SEC14L5: variants seen among roughly 807,000 people sequenced by gnomAD.
SEC14L5 encodes the protein SEC14 like lipid binding 5.
A neutral mutation model predicts 84.6 loss-of-function variants in SEC14L5; 96 were observed. The ratio of observed to expected loss-of-function variants is 1.13; its 90% CI spans 0.96 to 1.34. The LOEUF (loss-of-function observed/expected upper bound fraction) is 1.34. SEC14L5 is among the 40% of genes most tolerant of loss of function. The probability of loss-of-function intolerance (pLI) is 0.00; values close to 1 mark genes in which losing one functional copy is unlikely to be tolerated. For missense variants in SEC14L5, 1,224 were observed against 942.5 expected (o/e 1.30, Z -3.91); for synonymous variants, 546 against 383.4 (o/e 1.42, Z -4.95).
At chr16:4,999,119 C>T (rs773522474) in intron 8 of SEC14L5, among the ~76,000 whole-genome samples, 1 of 152,132 alleles carries the variant, frequency 6.6e-6, no homozygotes, top group Non-Finnish European at 1.5e-5. Flanking sequence ...TCTTTGGTGA[C>T]TTTGCTGTTT....
chr16:5,012,692 G>A (rs1424854783), intron 15 of SEC14L5, among the ~76,000 whole-genome samples: 3 of 152,182 alleles, frequency 2.0e-5, no homozygotes, highest in Non-Finnish European at 4.4e-5. Flanking sequence ...ATCATCTGTG[G>A]TCAAGAGTTT....
chr16:5,008,299 A>C, intron 13 of SEC14L5, 122 bp from the exon 14 acceptor site: 1 of 693,848 alleles, frequency 1.4e-6, no homozygotes. Flanking sequence ...CCTGTAAGGA[A>C]TGAGCGTGTG....
chr16:4,978,963 T>C lies in SEC14L5; in HGVS notation c.64-8594T>C, dbSNP rs1372577327. On this transcript the variant is annotated intron_variant, in intron 2 of 15. Coordinates refer to ENST00000251170, the MANE Select transcript of SEC14L5 (RefSeq NM_014692.2). ...TTTGCCCAGGCTGGTCTCGAAGTCC[T>C]GGGCTCAAACAATCCTCCTGCCAGG... Among the ~76,000 whole-genome samples, 3 of 152,284 alleles carry C rather than the reference T, an allele frequency of 2.0e-5. No individual in the cohort carries two copies. The East Asian group carries it at 5.8e-4, about 29-fold the overall frequency.
intron 2 of SEC14L5, among the ~76,000 whole-genome samples, chr16:4,969,506 C>T (rs1955248476): frequency 6.6e-6 from 1 of 152,010 alleles, no homozygotes; most frequent in Non-Finnish European, 1.5e-5. Flanking sequence ...GCCTTAGCTT[C>T]CCAAGTAGAC....
chr16:5,011,453 C>A (rs1314993977), intron 15 of SEC14L5, among the ~76,000 whole-genome samples, 180 bp downstream of exon 15: 4 of 152,238 alleles, frequency 2.6e-5, no homozygotes, highest in African/African-American at 9.6e-5. Flanking sequence ...GAGAGCCCAG[C>A]TCTGCGCGTC....
At chr16:5,013,806 C>T (rs1003037351) in intron 15 of SEC14L5, among the ~76,000 whole-genome samples, 3 of 152,140 alleles carry the variant, frequency 2.0e-5, no homozygotes, top group African/African-American at 4.8e-5. Context: ...AATCCACCCA[C>T]TTCGGCCTCC....
Position 5,000,688 on chromosome 16 carries a change from A to G in SEC14L5, c.1004A>G (p.Gln335Arg), listed in dbSNP as rs1305500508. ...CCCCTCTACATCCTCCGCCTGGGCC[A>G]GATGGACACCAAAGGCTTGATGAAG... ...GRPLYILRLGQMDTKGLMKAV... is the reference protein window; with the variant it reads ...GRPLYILRLGRMDTKGLMKAV... The change falls in exon 9 of 16, where the codon CAG (glutamine) becomes CGG (arginine). Residue 335 changes from glutamine to arginine, a missense_variant. Transcript: ENST00000251170. 6.4e-7 allele frequency: 1 copy of G among 1,552,170 alleles called. No individual in the cohort carries two copies. The highest frequency in any genetic ancestry group is 1.2e-5 in the South Asian group (1 of 84,092).
At chr16:5,013,310 G>C (rs757359425) in intron 15 of SEC14L5, among the ~76,000 whole-genome samples, 10 of 152,162 alleles carry the variant, frequency 6.6e-5, no homozygotes, top group Non-Finnish European at 1.5e-4. Context: ...GAGAGAGGGT[G>C]GGGGAAGTAA....
At chr16:5,011,839 G>A (rs570990197) in intron 15 of SEC14L5, among the ~76,000 whole-genome samples, 2 of 152,302 alleles carry the variant, frequency 1.3e-5, no homozygotes, top group East Asian at 1.9e-4. Flanking sequence ...GGGGGAAGCT[G>A]CCTGTCACCT....
Position 5,007,466 on chromosome 16 carries a change from C to G in SEC14L5, c.1552C>G (p.Leu518Val). The G allele has an allele frequency of 6.2e-7, 1 of 1,613,596 alleles. No homozygotes were observed. Among genetic ancestry groups the G allele is most frequent in the Non-Finnish European group, 8.5e-7 (1 of 1,179,824 alleles). The part of the protein sequence containing the change: ...WSETYHSASV[L>V]RGAPHEVAVE... ...TGAGACCTACCATTCAGCCAGCGTG[C>G]TCCGCGGAGCCCCCCACGAGGTGCC... The change falls in exon 13 of 16, where the codon CTC becomes GTC. Residue 518 changes from leucine (L) to valine (V), a missense_variant. Physicochemically the swap from Leu to Val is conservative, Grantham distance 32. Coordinates refer to ENST00000251170, the MANE Select transcript of SEC14L5 (RefSeq NM_014692.2).
chr16:4,961,439 G>A (rs369034569), intron 2 of SEC14L5, among the ~76,000 whole-genome samples: 3 of 152,056 alleles, frequency 2.0e-5, no homozygotes, highest in Non-Finnish European at 4.4e-5. Flanking sequence ...AGCCATTCTC[G>A]TGCCTCAGCC....
At chr16:5,001,734 G>T (rs1324998049) in intron 10 of SEC14L5, among the ~76,000 whole-genome samples, 8 of 151,950 alleles carry the variant, frequency 5.3e-5, no homozygotes, top group Non-Finnish European at 1.0e-4. Flanking sequence ...CCCAAAGGCA[G>T]CAAACCTTTC....
At chr16:4,995,232 G>T (rs1372767956) in intron 6 of SEC14L5, among the ~76,000 whole-genome samples, 1 of 152,172 alleles carries the variant, frequency 6.6e-6, no homozygotes, top group African/African-American at 2.4e-5. Context: ...TGACGTCTCC[G>T]CCCACTGCTG....
intron 2 of SEC14L5, among the ~76,000 whole-genome samples, chr16:4,974,047 A>T (rs1955310666): frequency 1.3e-5 from 2 of 151,916 alleles, no homozygotes; most frequent in Admixed American, 1.3e-4. Flanking sequence ...AAAGTAGATG[A>T]GTCGGATGAG....
intron 11 of SEC14L5, among the ~76,000 whole-genome samples, chr16:5,005,037 G>A (rs980938434): frequency 2.0e-5 from 3 of 152,230 alleles, no homozygotes; most frequent in Non-Finnish European, 4.4e-5. Context: ...AGGGCTGGGC[G>A]AGGTGGCTCA....
At chr16:5,014,491 G>A (rs553130303) in intron 15 of SEC14L5, among the ~76,000 whole-genome samples, 70 of 152,364 alleles carry the variant, frequency 4.6e-4, no homozygotes, top group African/African-American at 1.4e-3. Flanking sequence ...CAGGCTCAGC[G>A]CACACGAAGG....
At position 5,011,028 on chromosome 16, in the gene SEC14L5, A is replaced by C; in HGVS notation, c.1801-67A>C. On this transcript the variant is annotated intron_variant, in intron 14 of 15. Coordinates refer to ENST00000251170, the MANE Select transcript of SEC14L5 (RefSeq NM_014692.2). ...AGGCCTGGTGATGAGAAGCCCATGA[A>C]GGCTCAGCCTCCTTGACCTGTCCTC... The C allele has an allele frequency of 5.5e-6, 8 of 1,463,864 alleles. No homozygotes were observed. The South Asian group carries it at 9.0e-5, about 16-fold the overall frequency. The allele number at this position is 1,463,864 out of a possible 1,614,324, so 90.7% of individuals were successfully genotyped here.
chr16:4,983,404 A>G (rs1955447271), intron 2 of SEC14L5, among the ~76,000 whole-genome samples: 1 of 149,434 alleles, frequency 6.7e-6, no homozygotes, highest in Admixed American at 6.7e-5. Context: ...TTATATATTT[A>G]TAGATATGTA....
At chr16:4,988,388 C>T in intron 4 of SEC14L5, 108 bp downstream of exon 4, 4 of 1,367,210 alleles carry the variant, frequency 2.9e-6, no homozygotes, top group South Asian at 1.4e-5. Context: ...GCCAAGCCCT[C>T]CCTCCTGGGG....
Sources: allele counts gnomAD v4.1 joint callset (sites outside exome capture counted in the v4.1 genomes callset), GRCh38; gene constraint gnomAD v4.1.1; transcripts MANE v1.5; gene names NCBI Gene and HGNC (gene_info 2026-07-23, HGNC 2026-07-21).